YWHAE: variants seen among roughly 807,000 people sequenced by gnomAD.
YWHAE encodes 14-3-3 protein epsilon.
YWHAE carries 4 observed loss-of-function variants against 30.1 expected under a neutral mutation model. The ratio of observed to expected loss-of-function variants is 0.13; its 90% confidence interval spans 0.07 to 0.30. YWHAE has a LOEUF of 0.30. Among genes scored for constraint, YWHAE ranks in the 10% least tolerant of loss-of-function variants. YWHAE has a pLI of 1.00. For missense variants in YWHAE, 121 were observed against 315.9 expected (o/e 0.38, Z 4.68); for synonymous variants, 118 against 111.8 (o/e 1.06, Z -0.35).
intron 1 of YWHAE, among the ~76,000 whole-genome samples, chr17:1,386,331 C>T (rs950286801): frequency 6.6e-6 from 1 of 152,142 alleles, no homozygotes; most frequent in Non-Finnish European, 1.5e-5. Flanking sequence ...ACCATTGGTG[C>T]TAATTAATTT....
At chr17:1,356,171 A>AAAAC (rs1555639545) in intron 4 of YWHAE, among the ~76,000 whole-genome samples, 1 of 143,106 alleles carries the variant, frequency 7.0e-6, no homozygotes, top group South Asian at 2.3e-4. Flanking sequence ...TCCGTCTAAA[A>AAAAC]ACACACACAC....
chr17:1,361,011 C>T (rs1017219708), intron 4 of YWHAE, 81 bp downstream of exon 4: 1 of 1,309,738 alleles, frequency 7.6e-7, no homozygotes, highest in Admixed American at 1.8e-5. Context: ...CAAAGACAGG[C>T]CCAAGAAACA....
intron 4 of YWHAE, among the ~76,000 whole-genome samples, chr17:1,355,140 AAAAAAAAATTTT>A (rs1567958113): frequency 2.8e-5 from 3 of 106,532 alleles, no homozygotes; most frequent in African/African-American, 9.8e-5. Context: ...AAAAAAAAAA[AAAAAAAAATTTT>A]TTTTTTTTTT....
chr17:1,375,499 A>G (rs1463696856), intron 1 of YWHAE, among the ~76,000 whole-genome samples: 1 of 152,160 alleles, frequency 6.6e-6, no homozygotes, highest in Admixed American at 6.5e-5. Flanking sequence ...TAAGAACCAA[A>G]AAACTGAAAT....
chr17:1,394,599 C>T (rs1478118961), intron 1 of YWHAE, among the ~76,000 whole-genome samples: 1 of 151,698 alleles, frequency 6.6e-6, no homozygotes, highest in Non-Finnish European at 1.5e-5. Flanking sequence ...AAGCAAGACC[C>T]TGTTTCAAAA....
intron 5 of YWHAE, among the ~76,000 whole-genome samples, chr17:1,349,036 G>GAA (rs918574800): frequency 2.3e-5 from 3 of 132,306 alleles, no homozygotes; most frequent in East Asian, 2.3e-4. Context: ...ACGAAAAAAG[G>GAA]AAAAAAAAAA....
intron 5 of YWHAE, 90 bp downstream of exon 5, chr17:1,354,121 G>C (rs1245062948): frequency 2.0e-6 from 3 of 1,481,394 alleles, no homozygotes; most frequent in African/African-American, 1.4e-5. Flanking sequence ...ATTCTAGCTT[G>C]ATATAACGAC....
intron 5 of YWHAE, among the ~76,000 whole-genome samples, chr17:1,350,438 T>C (rs918982463): frequency 6.6e-6 from 1 of 151,914 alleles, no homozygotes; most frequent in Non-Finnish European, 1.5e-5. Context: ...AAATGTGTTT[T>C]CTTGTTTTGT....
chr17:1,352,316 C>A (rs1202903940), intron 5 of YWHAE: 1 of 152,106 alleles, frequency 6.6e-6, no homozygotes, highest in African/African-American at 2.4e-5. Flanking sequence ...AGCTGAGTCA[C>A]CTAATTCTCA....
chr17:1,358,437 CACCA>C (rs1286560315), intron 4 of YWHAE, among the ~76,000 whole-genome samples: 1 of 151,978 alleles, frequency 6.6e-6, no homozygotes, highest in Non-Finnish European at 1.5e-5. Flanking sequence ...GACGGGGTTT[CACCA>C]CGTTAGCCAC....
At chr17:1,384,985 T>A (rs889063699) in intron 1 of YWHAE, among the ~76,000 whole-genome samples, 40 of 151,726 alleles carry the variant, frequency 2.6e-4, no homozygotes, top group Non-Finnish European at 1.5e-4. Flanking sequence ...AAATTTTTTT[T>A]AAAATCAGTT....
At chr17:1,358,655 G>A (rs944259707) in intron 4 of YWHAE, among the ~76,000 whole-genome samples, 3 of 151,804 alleles carry the variant, frequency 2.0e-5, no homozygotes, top group Non-Finnish European at 2.9e-5. Context: ...GTGAAACCTC[G>A]TCTCTACTAA....
At chr17:1,376,583 C>T (rs1254201852) in intron 1 of YWHAE, among the ~76,000 whole-genome samples, 3 of 151,940 alleles carry the variant, frequency 2.0e-5, no homozygotes, top group Admixed American at 6.6e-5. Flanking sequence ...ATCCTCCCAC[C>T]TCAGCCTCCT....
chr17:1,384,527 T>C (rs947791642), intron 1 of YWHAE, among the ~76,000 whole-genome samples: 1 of 78,212 alleles, frequency 1.3e-5, no homozygotes, highest in African/African-American at 9.2e-5. Context: ...CTGTCTCTAC[T>C]AAAAATACAA....
At chr17:1,392,807 G>A (rs1275159150) in intron 1 of YWHAE, among the ~76,000 whole-genome samples, 9 of 150,540 alleles carry the variant, frequency 6.0e-5, no homozygotes, top group Non-Finnish European at 8.9e-5. Flanking sequence ...CCAAGATCAC[G>A]CCACTGCACT....
Position 1,361,889 on chromosome 17 carries a change from G to A in YWHAE, c.371+13C>T, listed in dbSNP as rs1038500363. ...TTTCAATCTTACATTTTCCCTTCTA[G>A]TATAGAACCTACATTTTATAATAGA... On this transcript the variant is annotated intron_variant, in intron 3 of 5. Coordinates refer to ENST00000264335, the MANE Select transcript of YWHAE (RefSeq NM_006761.5). 1 of 1,560,578 alleles carries A rather than the reference G, an allele frequency of 6.4e-7. No individual in the cohort carries two copies. Among genetic ancestry groups the A allele is most frequent in the Non-Finnish European group, 8.7e-7 (1 of 1,150,706 alleles).
At chr17:1,378,976 TG>T (rs2073165302) in intron 1 of YWHAE, among the ~76,000 whole-genome samples, 6 of 151,762 alleles carry the variant, frequency 4.0e-5, no homozygotes, top group African/African-American at 1.5e-4. Context: ...AAATTCAGTA[TG>T]ATCCCCAAGA....
At chr17:1,353,054 C>A (rs574378664) in intron 5 of YWHAE, among the ~76,000 whole-genome samples, 3 of 152,178 alleles carry the variant, frequency 2.0e-5, no homozygotes, top group African/African-American at 7.2e-5. Context: ...CAAATTTGGG[C>A]TCCTGTATTT....
intron 5 of YWHAE, 80 bp downstream of exon 5, chr17:1,354,131 C>G: frequency 2.0e-6 from 3 of 1,521,182 alleles, no homozygotes; most frequent in Non-Finnish European, 2.6e-6. Context: ...GATATAACGA[C>G]AAGCCAAGGA....
Sources: gnomAD v4.1 joint callset for allele counts (sites outside exome capture counted in the v4.1 genomes callset) on GRCh38, gnomAD v4.1.1 for gene constraint, MANE v1.5 for transcripts, NCBI Gene and HGNC (gene_info 2026-07-23, HGNC 2026-07-21) for gene names.